KIAA1549L: variants seen among roughly 807,000 people sequenced by gnomAD.
KIAA1549L encodes UPF0606 protein KIAA1549L.
KIAA1549L carries 88 observed loss-of-function variants against 160.7 expected under a neutral mutation model. The observed-to-expected ratio is 0.55, with a 90% confidence interval of 0.46 to 0.65. The LOEUF (loss-of-function observed/expected upper bound fraction) is 0.65, where lower values mean the gene tolerates loss of function less well. KIAA1549L is among the 30% of genes least tolerant of loss of function. KIAA1549L has a pLI of 0.00. For missense variants in KIAA1549L, 2,258 were observed against 2,437.5 expected, an observed-to-expected ratio of 0.93 and a Z score of 1.55; for synonymous variants, 950 against 976.7, an observed-to-expected ratio of 0.97 and a Z score of 0.51.
Position 33,526,420 on chromosome 11 carries a change from T to C in KIAA1549L, c.239-15382T>C, listed in dbSNP as rs143591707. Among the ~76,000 whole-genome samples the C allele has an allele frequency of 1.8e-3, 278 of 152,326 alleles. 2 individuals are homozygous for C. Among genetic ancestry groups the C allele is most frequent in the African/African-American group, 6.3e-3 (264 of 41,576 alleles). ...AACCAAGGACTCCCACAGAGTCCAC[T>C]TCACTCCCCTGCCACCTTTACCAGA... On this transcript the variant is annotated intron_variant, in intron 1 of 20. Transcript: ENST00000658780.
At chr11:33,627,134 T>G (rs1399846433) in intron 16 of KIAA1549L, among the ~76,000 whole-genome samples, 2 of 75,438 alleles carry the variant, frequency 2.7e-5, no homozygotes, top group Non-Finnish European at 4.9e-5. Flanking sequence ...ATAAGCTTTT[T>G]GATGTGCTGC....
chr11:33,571,248 A>G (rs1855243419), intron 9 of KIAA1549L, among the ~76,000 whole-genome samples: 1 of 151,374 alleles, frequency 6.6e-6, no homozygotes, highest in African/African-American at 2.5e-5. Flanking sequence ...GCACCCCTGC[A>G]CTGCAGCCTG....
chr11:33,563,366 AAAG>A (rs1239383667), intron 8 of KIAA1549L, among the ~76,000 whole-genome samples: 1 of 151,120 alleles, frequency 6.6e-6, no homozygotes, highest in East Asian at 1.9e-4. Flanking sequence ...AAAAAAAAAA[AAAG>A]AATTGGAAGT....
intron 1 of KIAA1549L, among the ~76,000 whole-genome samples, chr11:33,461,235 T>C (rs1438260709): frequency 6.6e-6 from 1 of 152,190 alleles, no homozygotes; most frequent in Non-Finnish European, 1.5e-5. Context: ...TAAGTGCAAT[T>C]TGATAGGCTG....
At chr11:33,391,642 C>T (rs184488479) in intron 1 of KIAA1549L, among the ~76,000 whole-genome samples, 5 of 152,214 alleles carry the variant, frequency 3.3e-5, no homozygotes, top group East Asian at 1.9e-4. Flanking sequence ...AAGATGCTGC[C>T]GACATTCCCC....
At position 33,589,475 on chromosome 11, in the gene KIAA1549L, C is replaced by T. The variant is rs186818662; in HGVS notation, c.4567-1762C>T. 1.2e-4 allele frequency among the ~76,000 whole-genome samples: 19 copies of T among 152,174 alleles called. No individual in the cohort carries two copies. In the South Asian group the frequency reaches 1.5e-3, roughly 12 times the overall value. On this transcript the variant is annotated intron_variant, in intron 11 of 20. Coordinates refer to ENST00000658780, the MANE Select transcript of KIAA1549L (RefSeq NM_012194.3). Reference sequence around the variant, plus strand: ...GACACATGCATACGTATGTTTATTGCGGCACTATTCACAATAGCAAAGACT... The same window carrying T: ...GACACATGCATACGTATGTTTATTGTGGCACTATTCACAATAGCAAAGACT...
chr11:33,450,251 T>A (rs1369759451), intron 1 of KIAA1549L, among the ~76,000 whole-genome samples: 1 of 151,994 alleles, frequency 6.6e-6, no homozygotes, highest in Admixed American at 6.6e-5. Flanking sequence ...TTAGGTGCAA[T>A]CAAAGACGTA....
At chr11:33,530,426 AAAAAAAAAAAATATATATATATAT>A (rs1267832052) in intron 1 of KIAA1549L, among the ~76,000 whole-genome samples, 13 of 65,494 alleles carry the variant, frequency 2.0e-4, no homozygotes, top group African/African-American at 6.3e-4. Context: ...AAAAAAAAAA[AAAAAAAAAAAATATATATATATAT>A]ATATATATAT....
At chr11:33,425,490 A>G (rs1487374893) in intron 1 of KIAA1549L, among the ~76,000 whole-genome samples, 1 of 152,238 alleles carries the variant, frequency 6.6e-6, no homozygotes, top group Non-Finnish European at 1.5e-5. Context: ...CCCTGGGCTC[A>G]TAAGAGTGAT....
In KIAA1549L at chr11:33,667,860, A is replaced by T. The variant is rs1010702473; in HGVS notation, c.6160-13A>T. On this transcript the variant is annotated splice_polypyrimidine_tract_variant and intron_variant, in intron 20 of 20. Transcript: ENST00000658780. ...TGCCAGGCCCTGTCCTTCTCTCCCCACGCCCTCTGCAGGTGCCCCTCCCAG... is the reference window on the plus strand; with the variant it reads ...TGCCAGGCCCTGTCCTTCTCTCCCCTCGCCCTCTGCAGGTGCCCCTCCCAG... 4.4e-6 allele frequency: 7 copies of T among 1,602,126 alleles called. No individual in the cohort carries two copies. The Admixed American group carries it at 5.1e-5, about 12-fold the overall frequency.
intron 1 of KIAA1549L, among the ~76,000 whole-genome samples, chr11:33,475,324 A>T (rs1165130023): frequency 6.6e-6 from 1 of 152,214 alleles, no homozygotes; most frequent in Non-Finnish European, 1.5e-5. Context: ...GCTTGTAAAT[A>T]TAGCCTGTTT....
At position 33,648,769 on chromosome 11, in the gene KIAA1549L, A is replaced by T. The variant is rs139830853; in HGVS notation, c.5760+2733A>T. On this transcript the variant is annotated intron_variant, in intron 17 of 20. Coordinates refer to ENST00000658780, the MANE Select transcript of KIAA1549L (RefSeq NM_012194.3). Reference sequence around the variant, plus strand: ...TCATAATGGATCTATGCCAAGCAGAATTAAAACATCCTACAGCCTTCCTGT... The same window carrying T: ...TCATAATGGATCTATGCCAAGCAGATTTAAAACATCCTACAGCCTTCCTGT... Among the ~76,000 whole-genome samples the T allele has an allele frequency of 9.1e-3, 1,382 of 152,144 alleles. 20 individuals carry two copies. Among genetic ancestry groups the T allele is most frequent in the African/African-American group, 0.032 (1,317 of 41,518 alleles).
intron 12 of KIAA1549L, among the ~76,000 whole-genome samples, chr11:33,595,119 C>T (rs1045592580): frequency 2.0e-5 from 3 of 152,162 alleles, no homozygotes; most frequent in African/African-American, 2.4e-5. Flanking sequence ...GGAATCTACT[C>T]TTGCTAATCA....
At chr11:33,475,904 C>T (rs1852275439) in intron 1 of KIAA1549L, among the ~76,000 whole-genome samples, 1 of 152,014 alleles carries the variant, frequency 6.6e-6, no homozygotes. Context: ...CTCCCGCCTG[C>T]CCCCCACCCA....
chr11:33,601,668 G>A (rs1358472969), intron 13 of KIAA1549L, among the ~76,000 whole-genome samples: 1 of 152,162 alleles, frequency 6.6e-6, no homozygotes, highest in African/African-American at 2.4e-5. Flanking sequence ...AGAAGCTTAA[G>A]TTACTAAGGT....
chr11:33,538,232 A>C (rs1003206372), intron 1 of KIAA1549L, among the ~76,000 whole-genome samples: 1 of 152,226 alleles, frequency 6.6e-6, no homozygotes, highest in Non-Finnish European at 1.5e-5. Context: ...CAATGATTCA[A>C]TAACCTCGAC....
At chr11:33,644,954 G>A (rs1453508624) in intron 16 of KIAA1549L, among the ~76,000 whole-genome samples, 3 of 152,230 alleles carry the variant, frequency 2.0e-5, no homozygotes, top group Admixed American at 6.5e-5. Flanking sequence ...GCACGAGACC[G>A]TCCATGCAGC....
intron 16 of KIAA1549L, among the ~76,000 whole-genome samples, chr11:33,641,572 G>A (rs1192075959): frequency 7.2e-5 from 7 of 96,762 alleles, no homozygotes; most frequent in South Asian, 8.7e-4. Flanking sequence ...TAATGGATCT[G>A]TATATATATA....
At chr11:33,403,396 TGGA>T (rs1850573028) in intron 1 of KIAA1549L, 1 of 29,110 alleles carries the variant, frequency 3.4e-5, no homozygotes, top group African/African-American at 1.9e-4. Flanking sequence ...GGGACACACA[TGGA>T]CATGGACACA....
Sources: allele counts gnomAD v4.1 joint callset (sites outside exome capture counted in the v4.1 genomes callset), GRCh38; gene constraint gnomAD v4.1.1; transcripts MANE v1.5; gene names NCBI Gene and HGNC (gene_info 2026-07-23, HGNC 2026-07-21).